Variants in SLC30A2 observed in about 807,000 individuals in gnomAD.
SLC30A2 encodes solute carrier family 30 member 2.
A neutral mutation model predicts 39.6 loss-of-function variants in SLC30A2; 19 were observed. The observed-to-expected ratio is 0.48, with a 90% CI of 0.34 to 0.70. The LOEUF (loss-of-function observed/expected upper bound fraction) is 0.70, where lower values mean the gene tolerates loss of function less well. Among genes scored for constraint, SLC30A2 ranks in the 30% least tolerant of loss-of-function variants. The pLI is 0.01. For synonymous variants in SLC30A2, 195 were observed against 194.8 expected (o/e 1.00, Z -0.01); for missense variants, 387 against 479.4 (o/e 0.81, Z 1.80).
At chr1:26,042,755 G>A in intron 4 of SLC30A2, 47 bp from the exon 5 acceptor site, 1 of 1,582,512 alleles carries the variant, frequency 6.3e-7, no homozygotes, top group Non-Finnish European at 8.7e-7. Flanking sequence ...GTCGCAGATG[G>A]AGGTCACCTA....
chr1:26,039,704 G>A lies in SLC30A2; in HGVS notation c.973+73C>T. 1.3e-6 allele frequency: 2 copies of A among 1,516,822 alleles called. No individual in the cohort carries two copies. The highest frequency in any genetic ancestry group is 1.9e-5 in the Admixed American group (1 of 53,018). 94.0% of individuals were successfully genotyped at this position (1,516,822 alleles called of 1,614,324 possible). On this transcript the variant is annotated intron_variant, in intron 7 of 7. Coordinates refer to ENST00000374276, the MANE Select transcript of SLC30A2 (RefSeq NM_001004434.3). This position sits in a 1 kb window ranked among gnomAD's most constrained non-coding sequence, Gnocchi z 4.3. ...GCACTGTGAGCATCTGGGGTCACCT[G>A]GACCCGTTGGGGATGGCACTAGGCC... is the stretch of plus-strand genomic sequence containing the variant.
At chr1:26,042,797 T>A in intron 4 of SLC30A2, 89 bp from the exon 5 acceptor site, 1 of 1,258,074 alleles carries the variant, frequency 7.9e-7, no homozygotes. Context: ...GGCAAAAATC[T>A]CAAGCCCCTA....
chr1:26,042,494 C>T lies in SLC30A2; in HGVS notation c.732+55G>A, dbSNP rs924008543. On this transcript the variant is annotated intron_variant, in intron 5 of 7. Transcript: ENST00000374276. ...AAAAGAAACCCCGGTAGAGAGTATA[C>T]TCAGGTGGTCTACACTCCCCTGCCA... is the stretch of plus-strand genomic sequence containing the variant. 1.2e-5 allele frequency: 18 copies of T among 1,494,172 alleles called. No homozygotes were observed. In the East Asian group the frequency reaches 4.1e-4, roughly 34 times the overall value. 92.6% of individuals were successfully genotyped at this position (1,494,172 alleles called of 1,614,324 possible).
At chr1:26,044,112 C>T (rs2050432306) in intron 3 of SLC30A2, among the ~76,000 whole-genome samples, 186 bp downstream of exon 3, 1 of 152,176 alleles carries the variant, frequency 6.6e-6, no homozygotes, top group Non-Finnish European at 1.5e-5. Flanking sequence ...ACCAGGGCTC[C>T]CCCATCAGAC....
Position 26,039,936 on chromosome 1 carries a change from A to T in SLC30A2, c.839-25T>A. On this transcript the variant is annotated intron_variant, in intron 6 of 7. Transcript: ENST00000374276. This position sits in a 1 kb window ranked among gnomAD's most constrained non-coding sequence, Gnocchi z 4.3. ...CCTGAGGACGGCAAGGACAGGGGAA[A>T]CTAAAGGAAACTACCCCTCCCACGC... 1 of 1,613,424 alleles carries T rather than the reference A, an allele frequency of 6.2e-7. No individual in the cohort carries two copies. The highest frequency in any genetic ancestry group is 8.5e-7 in the Non-Finnish European group (1 of 1,179,754).
Position 26,039,231 on chromosome 1 carries a change from C to T in SLC30A2, c.1048G>A (p.Val350Met), listed in dbSNP as rs144832711. ...GAGTAGTCCTCGATCTGGATGGTCA[C>T]GGTGTGGAAGTGGAACTTCCCTTGG... ...RLQGKFHFHT[V>M]TIQIEDYSED... is the part of the protein sequence containing the mutation. The change falls in exon 8 of 8, where the codon GTG (valine) becomes ATG (methionine). Residue 350 changes from valine to methionine, a missense_variant. Physicochemically the swap from Val to Met is conservative, Grantham distance 21. Coordinates refer to ENST00000374276, the MANE Select transcript of SLC30A2 (RefSeq NM_001004434.3). The surrounding 1 kb of genome is among the most constrained non-coding windows in gnomAD (Gnocchi z 4.3). The T allele has an allele frequency of 4.2e-5, 68 of 1,614,142 alleles. No individual in the cohort carries two copies. Among genetic ancestry groups the T allele is most frequent in the Admixed American group, 6.7e-5 (4 of 60,022 alleles).
In SLC30A2 at chr1:26,039,925, G is replaced by A; in HGVS notation, c.839-14C>T. The A allele has an allele frequency of 6.2e-7, 1 of 1,613,886 alleles. No individual in the cohort carries two copies. Among genetic ancestry groups the A allele is most frequent in the Non-Finnish European group, 8.5e-7 (1 of 1,179,972 alleles). On this transcript the variant is annotated splice_polypyrimidine_tract_variant and intron_variant, in intron 6 of 7. Transcript: ENST00000374276. This position sits in a 1 kb window ranked among gnomAD's most constrained non-coding sequence, Gnocchi z 4.3. ...CCTTGGGGGTCCCTGAGGACGGCAA[G>A]GACAGGGGAAACTAAAGGAAACTAC...
rs2050354549 is a variant in SLC30A2 at position 26,037,620 on chromosome 1, G to A, written c.*1540C>T. On this transcript the variant is annotated 3_prime_UTR_variant, in exon 8 of 8. Transcript: ENST00000374276. ...CCTGGGGCCTGCCATGGCTTGGGTG[G>A]GGGTGGGGAGTTGGGTAGGGGAGGT... is the stretch of plus-strand genomic sequence containing the variant. 1 of 152,124 alleles carries A rather than the reference G, an allele frequency of 6.6e-6. No homozygotes were observed. Among genetic ancestry groups the A allele is most frequent in the South Asian group, 2.1e-4 (1 of 4,818 alleles). The allele number at this position is 152,124 out of a possible 1,614,324, so 9.4% of individuals were successfully genotyped here.
rs1279826089 is a variant in SLC30A2 at position 26,043,556 on chromosome 1, G to C, written c.419-5C>G. On this transcript the variant is annotated splice_polypyrimidine_tract_variant and splice_region_variant and intron_variant, in intron 3 of 7. Coordinates refer to ENST00000374276, the MANE Select transcript of SLC30A2 (RefSeq NM_001004434.3). Reference sequence around the variant, plus strand: ...AGACCAGGGCTCCCAAGATCTCTGAGGAAGAACCCAACCCCAACACCCACC... The same window carrying C: ...AGACCAGGGCTCCCAAGATCTCTGACGAAGAACCCAACCCCAACACCCACC... The C allele has an allele frequency of 6.2e-7, 1 of 1,612,820 alleles. No homozygotes were observed. Among genetic ancestry groups the C allele is most frequent in the Non-Finnish European group, 8.5e-7 (1 of 1,179,338 alleles).
intron 6 of SLC30A2, 100 bp downstream of exon 6, chr1:26,041,600 C>G: frequency 1.4e-6 from 1 of 733,248 alleles, no homozygotes; most frequent in East Asian, 2.8e-5. Flanking sequence ...CCTGGCTCCC[C>G]GCCCATGTGC....
chr1:26,043,955 G>C (rs1367927743), intron 3 of SLC30A2, among the ~76,000 whole-genome samples: 1 of 152,186 alleles, frequency 6.6e-6, no homozygotes, highest in Non-Finnish European at 1.5e-5. Context: ...AGCAGCCTTT[G>C]CTGGCCTTCC....
At position 26,039,475 on chromosome 1, in the gene SLC30A2, G is replaced by A. The variant is rs1479364316; in HGVS notation, c.974-170C>T. Among the ~76,000 whole-genome samples the A allele has an allele frequency of 2.6e-5, 4 of 152,212 alleles. No homozygotes were observed. The highest frequency in any genetic ancestry group is 5.9e-5 in the Non-Finnish European group (4 of 68,034). On this transcript the variant is annotated intron_variant, in intron 7 of 7. Transcript: ENST00000374276. This position sits in a 1 kb window ranked among gnomAD's most constrained non-coding sequence, Gnocchi z 4.3. ...CAGGTAGCCTCCCAGCCCAGACCTG[G>A]CTCATGCCTGAAAGAGCTGGTAAAG...
At position 26,045,199 on chromosome 1, in the gene SLC30A2, C is replaced by T; in HGVS notation, c.69G>A (p.Leu23=). The change falls in exon 2 of 8, where the codon CTG becomes CTA. Residue 23 remains leucine (L), a synonymous_variant. Transcript: ENST00000374276. ...RPAIRSYTGS[L]WQEGAGWIPL... Reference sequence around the variant, plus strand: ...GAATCCAGCCAGCCCCTTCCTGCCACAGAGATCCCGTGTATGACCTGGCCA... The same window carrying T: ...GAATCCAGCCAGCCCCTTCCTGCCATAGAGATCCCGTGTATGACCTGGCCA... The T allele has an allele frequency of 6.2e-7, 1 of 1,612,058 alleles. No homozygotes were observed. The highest frequency in any genetic ancestry group is 8.5e-7 in the Non-Finnish European group (1 of 1,179,676).
At position 26,045,708 on chromosome 1, in the gene SLC30A2, C is replaced by A. The variant is rs936564967; in HGVS notation, c.50+139G>T. The stretch of plus-strand genomic sequence containing the variant: ...TCCTTGGGCCACAGCCCATTATCTT[C>A]GTTCCCTCACCTCACCCCACCCCTC... On this transcript the variant is annotated intron_variant, in intron 1 of 7. Coordinates refer to ENST00000374276, the MANE Select transcript of SLC30A2 (RefSeq NM_001004434.3). The A allele has an allele frequency of 2.1e-6, 3 of 1,400,016 alleles. No individual in the cohort carries two copies. In the African/African-American group the frequency reaches 4.3e-5, roughly 20 times the overall value. The allele number at this position is 1,400,016 out of a possible 1,614,324, so 86.7% of individuals were successfully genotyped here. A position where few individuals can be genotyped will look rare whatever the true frequency, so the allele number is the denominator to read the frequency against.
chr1:26,038,952 C>G lies in SLC30A2; in HGVS notation c.*208G>C. 7.5e-7 allele frequency: 1 copy of G among 1,325,682 alleles called. No individual in the cohort carries two copies. The highest frequency in any genetic ancestry group is 9.7e-7 in the Non-Finnish European group (1 of 1,030,708). 82.1% of individuals were successfully genotyped at this position (1,325,682 alleles called of 1,614,324 possible). A position where few individuals can be genotyped will look rare whatever the true frequency, so the allele number is the denominator to read the frequency against. On this transcript the variant is annotated 3_prime_UTR_variant, in exon 8 of 8. Transcript: ENST00000374276. The stretch of plus-strand genomic sequence containing the variant: ...CAGGAGCTGGAAGAGCAGGGTCACA[C>G]TAGCTTTATACCCGCTGAGTCCCCA...
intron 1 of SLC30A2, 52 bp downstream of exon 1, chr1:26,045,795 G>A (rs2050456582): frequency 1.2e-6 from 2 of 1,613,160 alleles, no homozygotes; most frequent in East Asian, 2.2e-5. Flanking sequence ...CAAATGCGGA[G>A]GTGCGTCGGC....
intron 5 of SLC30A2, among the ~76,000 whole-genome samples, 196 bp from the exon 6 acceptor site, chr1:26,042,001 A>C (rs918298177): frequency 2.0e-5 from 3 of 152,180 alleles, no homozygotes; most frequent in Non-Finnish European, 2.9e-5. Context: ...CACAGTTCAG[A>C]ATAAGGCAGT....
chr1:26,045,778 A>G (rs2050456322), intron 1 of SLC30A2, 69 bp downstream of exon 1: 1 of 1,612,074 alleles, frequency 6.2e-7, no homozygotes, highest in Admixed American at 1.7e-5. Context: ...AACCACTGCT[A>G]GGATGGCAAA....
intron 1 of SLC30A2, chr1:26,045,519 C>T: frequency 1.7e-6 from 1 of 590,460 alleles, no homozygotes; most frequent in Non-Finnish European, 3.0e-6. Flanking sequence ...GAACAGCAGG[C>T]CCCCTCCAGC....
Sources: allele counts gnomAD v4.1 joint callset (sites outside exome capture counted in the v4.1 genomes callset), GRCh38; gene constraint gnomAD v4.1.1; non-coding constraint Gnocchi (gnomAD v3.1); transcripts MANE v1.5; gene names NCBI Gene and HGNC (gene_info 2026-07-23, HGNC 2026-07-21).